Variants in CNTNAP5 observed in about 807,000 individuals in gnomAD.
The protein encoded by CNTNAP5 is contactin associated protein family member 5.
Under a neutral mutation model 150.2 loss-of-function variants are expected in CNTNAP5, and 72 were observed. The ratio of observed to expected loss-of-function variants is 0.48; its 90% CI spans 0.40 to 0.58. CNTNAP5 has a LOEUF of 0.58. Among genes scored for constraint, CNTNAP5 ranks in the 20% least tolerant of loss-of-function variants. The pLI, the probability that CNTNAP5 is intolerant of heterozygous loss-of-function variation, is 0.00. For missense variants in CNTNAP5, 1,636 were observed against 1,626.2 expected (o/e 1.01, Z -0.10); for synonymous variants, 672 against 619.8 (o/e 1.08, Z -1.25).
chr2:124,427,094 G>A (rs752940123), intron 4 of CNTNAP5, among the ~76,000 whole-genome samples: 1 of 152,152 alleles, frequency 6.6e-6, no homozygotes, highest in African/African-American at 2.4e-5. Flanking sequence ...GGAAGAAATT[G>A]TTCACTCCAG....
chr2:124,765,770 A>G (rs769354945), intron 16 of CNTNAP5, among the ~76,000 whole-genome samples: 1 of 152,046 alleles, frequency 6.6e-6, no homozygotes, highest in Non-Finnish European at 1.5e-5. Context: ...AGCATGCCCA[A>G]TATGGTGAAA....
At chr2:124,602,595 G>A (rs990175922) in intron 11 of CNTNAP5, among the ~76,000 whole-genome samples, 4 of 152,006 alleles carry the variant, frequency 2.6e-5, no homozygotes, top group Non-Finnish European at 2.9e-5. Context: ...TTGGACTCAA[G>A]CTACTCTTCT....
At chr2:124,438,533 G>A (rs549429221) in intron 5 of CNTNAP5, among the ~76,000 whole-genome samples, 3 of 152,308 alleles carry the variant, frequency 2.0e-5, no homozygotes, top group African/African-American at 4.8e-5. Context: ...TGAGACTCAA[G>A]TGAGACTCCT....
At chr2:124,062,409 T>C (rs1682036304) in intron 1 of CNTNAP5, among the ~76,000 whole-genome samples, 1 of 152,202 alleles carries the variant, frequency 6.6e-6, no homozygotes, top group South Asian at 2.1e-4. Context: ...TGTACTCAGT[T>C]GTTTTCTCCT....
chr2:124,040,621 CTGTGTGTGTGTGTGTGTG>C (rs58364625), intron 1 of CNTNAP5, among the ~76,000 whole-genome samples: 28 of 145,040 alleles, frequency 1.9e-4, no homozygotes, highest in Non-Finnish European at 3.3e-4. Context: ...CTGTATGCCT[CTGTGTGTGTGTGTGTGTG>C]TGTGTGTGTG....
intron 19 of CNTNAP5, among the ~76,000 whole-genome samples, chr2:124,849,825 C>G (rs1006782399): frequency 6.6e-6 from 1 of 152,182 alleles, no homozygotes; most frequent in Non-Finnish European, 1.5e-5. Flanking sequence ...GTCTTTTGCT[C>G]TGGGACGCCT....
intron 8 of CNTNAP5, among the ~76,000 whole-genome samples, chr2:124,513,201 C>T (rs1694633355): frequency 6.6e-6 from 1 of 152,166 alleles, no homozygotes; most frequent in African/African-American, 2.4e-5. Flanking sequence ...CTTCTGAGGG[C>T]TTCTCTCTTT....
At chr2:124,239,657 T>C (rs946569602) in intron 2 of CNTNAP5, among the ~76,000 whole-genome samples, 1 of 151,478 alleles carries the variant, frequency 6.6e-6, no homozygotes, top group Non-Finnish European at 1.5e-5. Context: ...TTTTCTATCA[T>C]GTTTTAATAT....
chr2:124,145,964 G>A (rs899836175), intron 1 of CNTNAP5, among the ~76,000 whole-genome samples: 2 of 151,944 alleles, frequency 1.3e-5, no homozygotes, highest in Non-Finnish European at 2.9e-5. Context: ...TTGCTGGGGT[G>A]TTGAATTAAT....
intron 21 of CNTNAP5, among the ~76,000 whole-genome samples, chr2:124,885,656 G>T (rs953762433): frequency 1.3e-5 from 2 of 151,064 alleles, no homozygotes. Context: ...AAACCACTAA[G>T]CTGCTTTCTG....
chr2:124,861,755 A>G (rs72963854), intron 19 of CNTNAP5, among the ~76,000 whole-genome samples: 2 of 152,274 alleles, frequency 1.3e-5, no homozygotes, highest in African/African-American at 4.8e-5. Context: ...TTCTTTTTAT[A>G]CATATTTATT....
At chr2:124,841,138 T>C (rs1027855581) in intron 19 of CNTNAP5, among the ~76,000 whole-genome samples, 1 of 151,998 alleles carries the variant, frequency 6.6e-6, no homozygotes, top group Non-Finnish European at 1.5e-5. Flanking sequence ...AATGACATCA[T>C]TGGAAAATGT....
At chr2:124,047,588 G>A (rs933092435) in intron 1 of CNTNAP5, among the ~76,000 whole-genome samples, 2 of 152,218 alleles carry the variant, frequency 1.3e-5, no homozygotes, top group South Asian at 2.1e-4. Flanking sequence ...TAAGGCTGCA[G>A]CCCAACTGAA....
At chr2:124,762,674 C>G (rs897750057) in intron 14 of CNTNAP5, among the ~76,000 whole-genome samples, 1 of 152,020 alleles carries the variant, frequency 6.6e-6, no homozygotes, top group East Asian at 1.9e-4. Flanking sequence ...ACAGCTAGGA[C>G]CTGGGGACTG....
intron 4 of CNTNAP5, among the ~76,000 whole-genome samples, chr2:124,426,607 G>A (rs541809447): frequency 2.0e-3 from 297 of 152,282 alleles, no homozygotes; most frequent in Non-Finnish European, 3.2e-3. Flanking sequence ...GTTGAGCTTC[G>A]GCTTTCTGGC....
At chr2:124,796,593 A>G (rs1681851391) in intron 18 of CNTNAP5, among the ~76,000 whole-genome samples, 2 of 152,246 alleles carry the variant, frequency 1.3e-5, no homozygotes, top group African/African-American at 4.8e-5. Flanking sequence ...GGCAATATGC[A>G]TAAATATGCA....
chr2:124,231,222 G>A (rs564194038), intron 2 of CNTNAP5, among the ~76,000 whole-genome samples: 21 of 152,314 alleles, frequency 1.4e-4, no homozygotes, highest in African/African-American at 4.1e-4. Flanking sequence ...CTTATTTACT[G>A]TGGATCTTAG....
chr2:124,522,432 C>G (rs1279798584), intron 8 of CNTNAP5, among the ~76,000 whole-genome samples: 1 of 152,180 alleles, frequency 6.6e-6, no homozygotes, highest in Non-Finnish European at 1.5e-5. Flanking sequence ...GCCTTGACCC[C>G]TTCCAGCTGC....
At chr2:124,465,843 A>C (rs1359637877) in intron 6 of CNTNAP5, among the ~76,000 whole-genome samples, 1 of 152,216 alleles carries the variant, frequency 6.6e-6, no homozygotes, top group African/African-American at 2.4e-5. Flanking sequence ...TAAGAAGATA[A>C]TAAATGCTAT....
Sources: gnomAD v4.1 joint callset for allele counts (sites outside exome capture counted in the v4.1 genomes callset) on GRCh38, gnomAD v4.1.1 for gene constraint, MANE v1.5 for transcripts, NCBI Gene and HGNC (gene_info 2026-07-23, HGNC 2026-07-21) for gene names.